The following CCAR1 variants were observed in gnomAD, a reference collection of about 807,000 sequenced individuals.
The protein encoded by CCAR1 is cell division cycle and apoptosis regulator 1.
In CCAR1, 78 loss-of-function variants were observed where a neutral mutation model predicts 163.8. That is an observed-to-expected ratio of 0.48 (90% confidence interval 0.40 to 0.57). CCAR1 has a LOEUF of 0.57. CCAR1 is among the 20% of genes least tolerant of loss of function. The pLI, the probability that CCAR1 is intolerant of heterozygous loss-of-function variation, is 0.00. For synonymous variants in CCAR1, 443 were observed against 460.7 expected, an observed-to-expected ratio of 0.96 and a Z score of 0.49; for missense variants, 1,019 against 1,365.2, an observed-to-expected ratio of 0.75 and a Z score of 4.00.
At chr10:68,760,901 A>G in intron 15 of CCAR1, 106 bp from the exon 16 acceptor site, 1 of 446,368 alleles carries the variant, frequency 2.2e-6, no homozygotes, top group Non-Finnish European at 4.0e-6. Flanking sequence ...AAACACACAA[A>G]ATATAATTGT....
chr10:68,737,920 AT>A, intron 4 of CCAR1, 31 bp downstream of exon 4: 1 of 1,431,172 alleles, frequency 7.0e-7, no homozygotes, highest in Non-Finnish European at 9.7e-7. Flanking sequence ...TTAAAAACTG[AT>A]TTTAAAATAG....
At chr10:68,751,294 T>C (rs1589166395) in intron 10 of CCAR1, among the ~76,000 whole-genome samples, 1 of 152,126 alleles carries the variant, frequency 6.6e-6, no homozygotes, top group African/African-American at 2.4e-5. Flanking sequence ...CCCAAAGTGC[T>C]GGGATTACAG....
At chr10:68,744,284 A>C (rs947487487) in intron 6 of CCAR1, among the ~76,000 whole-genome samples, 1 of 152,184 alleles carries the variant, frequency 6.6e-6, no homozygotes, top group Admixed American at 6.5e-5. Context: ...TCTAATTTTG[A>C]AATCTAATCT....
intron 6 of CCAR1, among the ~76,000 whole-genome samples, chr10:68,746,050 A>G (rs1163150): frequency 0.88 from 132,919 of 151,444 alleles, 58,328 homozygotes; most frequent in African/African-American, 0.9. Flanking sequence ...TTGGCTCATC[A>G]CAACCTCTGC....
intron 1 of CCAR1, chr10:68,721,557 C>T: frequency 2.2e-6 from 1 of 449,124 alleles, no homozygotes; most frequent in Non-Finnish European, 4.5e-6. Context: ...TGCAGTCCGC[C>T]GCCCCATTGC....
Position 68,791,429 on chromosome 10 carries a change from A to G in CCAR1, c.*163A>G, listed in dbSNP as rs1356474276. 2.2e-6 allele frequency: 1 copy of G among 462,476 alleles called. No homozygotes were observed. The highest frequency in any genetic ancestry group is 4.2e-5 in the Admixed American group (1 of 24,014). The allele number at this position is 462,476 out of a possible 1,614,324, so 28.6% of individuals were successfully genotyped here. A position where few individuals can be genotyped will look rare whatever the true frequency, so the allele number is the denominator to read the frequency against. ...ATGAATGTGAGTTTCTGCTTTTGAA[A>G]ATTGCTTGTAATTCCTAGCCTTCAA... is the stretch of plus-strand genomic sequence containing the variant. On this transcript the variant is annotated 3_prime_UTR_variant, in exon 25 of 25. Transcript: ENST00000265872.
intron 17 of CCAR1, among the ~76,000 whole-genome samples, chr10:68,768,278 T>TA (rs2056559641): frequency 6.6e-6 from 1 of 152,098 alleles, no homozygotes; most frequent in Non-Finnish European, 1.5e-5. Flanking sequence ...CAGATGTCCT[T>TA]AAAATCAGAT....
Position 68,747,475 on chromosome 10 carries a change from G to A in CCAR1, c.735G>A (p.Gln245=). 6.2e-7 allele frequency: 1 copy of A among 1,614,080 alleles called. No individual in the cohort carries two copies. The highest frequency in any genetic ancestry group is 1.7e-5 in the Admixed American group (1 of 60,004). The part of the protein sequence containing the change: ...TFGVQTQPQP[Q]SLLQAQISAA... ...GTGTTCAGACTCAGCCCCAGCCCCAGTCACTGCTGCAGGCACAGATTTCAG... is the reference window on the plus strand; with the variant it reads ...GTGTTCAGACTCAGCCCCAGCCCCAATCACTGCTGCAGGCACAGATTTCAG... The change falls in exon 8 of 25, where the codon CAG becomes CAA. Residue 245 remains glutamine (Q), a synonymous_variant. Coordinates refer to ENST00000265872, the MANE Select transcript of CCAR1 (RefSeq NM_018237.4).
At chr10:68,764,342 C>G (rs763496267) in intron 16 of CCAR1, among the ~76,000 whole-genome samples, 7 of 147,898 alleles carry the variant, frequency 4.7e-5, no homozygotes, top group Non-Finnish European at 8.9e-5. Context: ...CTGAATTGTT[C>G]AGGATAGATG....
chr10:68,738,803 T>G (rs1357696077), intron 4 of CCAR1, among the ~76,000 whole-genome samples: 4 of 151,414 alleles, frequency 2.6e-5, no homozygotes, highest in Non-Finnish European at 5.9e-5. Context: ...TCCAAGCACT[T>G]TGGGAGGCCA....
At position 68,778,352 on chromosome 10, in the gene CCAR1, A is replaced by G. The variant is rs185086708; in HGVS notation, c.2650+5253A>G. ...CATATGCTTCTATGTTAGGAGATTT[A>G]CATTGGCAGTTCTTTCTGCTAGCAG... On this transcript the variant is annotated intron_variant, in intron 19 of 24. Transcript: ENST00000265872. 1.7e-4 allele frequency among the ~76,000 whole-genome samples: 26 copies of G among 152,308 alleles called. 1 individual carries two copies. The highest frequency in any genetic ancestry group is 1.7e-3 in the Admixed American group (26 of 15,284).
At chr10:68,725,958 C>CA (rs2055938154) in intron 2 of CCAR1, among the ~76,000 whole-genome samples, 1 of 151,602 alleles carries the variant, frequency 6.6e-6, no homozygotes, top group South Asian at 2.1e-4. Flanking sequence ...TGCAGAAACT[C>CA]AAAAATTAGC....
At chr10:68,728,895 T>C (rs2055989167) in intron 2 of CCAR1, among the ~76,000 whole-genome samples, 1 of 150,416 alleles carries the variant, frequency 6.6e-6, no homozygotes, top group African/African-American at 2.5e-5. Flanking sequence ...CAGGTTGCAG[T>C]GAGCCGAGAT....
intron 2 of CCAR1, among the ~76,000 whole-genome samples, chr10:68,733,205 T>A (rs1400071356): frequency 6.6e-6 from 1 of 151,044 alleles, no homozygotes; most frequent in African/African-American, 2.4e-5. Context: ...AGCCCAGGAA[T>A]TCGACACCAG....
rs2056849400 is a variant in CCAR1, at chr10:68,791,260, T to C, written c.3447T>C (p.Ser1149=). The part of the protein sequence containing the change: ...KDQKSKENGA[S]V ...AAAAATCCAAGGAGAATGGTGCCAG[T>C]GTATGATAAAATCCATGTAGTGATG... The change falls in exon 25 of 25, where the codon AGT becomes AGC. Residue 1149 remains serine (S), a synonymous_variant. Transcript: ENST00000265872. 6.3e-7 allele frequency: 1 copy of C among 1,595,306 alleles called. No homozygotes were observed. Among genetic ancestry groups the C allele is most frequent in the Admixed American group, 1.7e-5 (1 of 59,290 alleles).
intron 8 of CCAR1, among the ~76,000 whole-genome samples, chr10:68,748,353 T>A (rs2056285230): frequency 6.6e-6 from 1 of 151,702 alleles, no homozygotes; most frequent in Non-Finnish European, 1.5e-5. Flanking sequence ...TTAGCCCAGA[T>A]CACGCCATCG....
intron 2 of CCAR1, among the ~76,000 whole-genome samples, chr10:68,725,112 A>C (rs937708341): frequency 6.6e-6 from 1 of 152,150 alleles, no homozygotes; most frequent in African/African-American, 2.4e-5. Context: ...ATTGCGCTCT[A>C]GCCTGGGCAA....
At chr10:68,787,795 A>G in intron 21 of CCAR1, 132 bp from the exon 22 acceptor site, 1 of 755,278 alleles carries the variant, frequency 1.3e-6, no homozygotes, top group East Asian at 2.9e-5. Flanking sequence ...AGATCACACC[A>G]CTGCACTCCA....
At chr10:68,776,809 A>G (rs574997692) in intron 19 of CCAR1, among the ~76,000 whole-genome samples, 3 of 152,174 alleles carry the variant, frequency 2.0e-5, no homozygotes, top group Admixed American at 6.5e-5. Flanking sequence ...TTGGCCTCCC[A>G]AAAGTGCTGG....
Sources: gnomAD v4.1 joint callset for allele counts (sites outside exome capture counted in the v4.1 genomes callset) on GRCh38, gnomAD v4.1.1 for gene constraint, MANE v1.5 for transcripts, NCBI Gene and HGNC (gene_info 2026-07-23, HGNC 2026-07-21) for gene names.